The following GABRA1 variants were observed in gnomAD, a reference collection of about 807,000 sequenced individuals.
The protein encoded by GABRA1 is gamma-aminobutyric acid type A receptor subunit alpha1.
Under a neutral mutation model 48.9 loss-of-function variants are expected in GABRA1, and 9 were observed. The observed-to-expected ratio is 0.18, with a 90% CI of 0.11 to 0.32. GABRA1 has a LOEUF of 0.32. GABRA1 is among the 10% of genes least tolerant of loss of function. The pLI is 1.00. For synonymous variants in GABRA1, 210 were observed against 198.7 expected, an observed-to-expected ratio of 1.06 and a Z score of -0.48; for missense variants, 285 against 553.8, an observed-to-expected ratio of 0.51 and a Z score of 4.87.
chr5:161,859,967 C>T (rs114043722), intron 3 of GABRA1, among the ~76,000 whole-genome samples: 11 of 151,626 alleles, frequency 7.3e-5, no homozygotes, highest in African/African-American at 2.4e-4. Flanking sequence ...AATTTGCTGT[C>T]GTTTTCTCTG....
At chr5:161,864,015 G>C (rs1366085707) in intron 3 of GABRA1, among the ~76,000 whole-genome samples, 1 of 151,962 alleles carries the variant, frequency 6.6e-6, no homozygotes, top group Admixed American at 6.6e-5. Context: ...GCCAAGAGCT[G>C]ATGACAAATC....
At chr5:161,873,010 TA>T in intron 4 of GABRA1, 106 bp from the exon 5 acceptor site, 1 of 820,940 alleles carries the variant, frequency 1.2e-6, no homozygotes, top group Admixed American at 1.7e-5. Context: ...ATCACCTAGC[TA>T]ACATTATACT....
intron 6 of GABRA1, among the ~76,000 whole-genome samples, chr5:161,878,487 CAA>C (rs1481713633): frequency 3.3e-5 from 5 of 152,094 alleles, no homozygotes; most frequent in African/African-American, 4.8e-5. Context: ...AAAGAATAGA[CAA>C]GAGGAGTTTT....
chr5:161,857,098 A>G (rs1176196223), intron 3 of GABRA1, among the ~76,000 whole-genome samples: 4 of 151,352 alleles, frequency 2.6e-5, no homozygotes, highest in African/African-American at 7.3e-5. Context: ...TGTAAAGGAA[A>G]TAAGTGAGAT....
chr5:161,861,804 C>T (rs902146353), intron 3 of GABRA1, among the ~76,000 whole-genome samples: 39 of 151,892 alleles, frequency 2.6e-4, no homozygotes, highest in African/African-American at 8.9e-4. Flanking sequence ...TTTCAGTTTC[C>T]AAACAGGACC....
At chr5:161,851,018 C>A in intron 2 of GABRA1, 134 bp downstream of exon 2, 1 of 756,628 alleles carries the variant, frequency 1.3e-6, no homozygotes, top group Non-Finnish European at 2.3e-6. Flanking sequence ...TAATTTCCAG[C>A]TAAGAATAAA....
intron 6 of GABRA1, among the ~76,000 whole-genome samples, chr5:161,878,861 CA>C (rs1754483427): frequency 6.6e-6 from 1 of 152,022 alleles, no homozygotes; most frequent in South Asian, 2.1e-4. Flanking sequence ...GGCTAATTAT[CA>C]AAAAACAATG....
intron 8 of GABRA1, among the ~76,000 whole-genome samples, chr5:161,891,405 G>A (rs888379213): frequency 6.6e-6 from 1 of 152,004 alleles, no homozygotes; most frequent in Admixed American, 6.6e-5. Context: ...TGAGTTGTTC[G>A]AGAAGCTTAG....
At chr5:161,894,585 TA>T (rs1755274005) in intron 8 of GABRA1, among the ~76,000 whole-genome samples, 1 of 152,194 alleles carries the variant, frequency 6.6e-6, no homozygotes, top group Admixed American at 6.5e-5. Context: ...GGATTGAGAC[TA>T]GTCACTGGAA....
intron 2 of GABRA1, among the ~76,000 whole-genome samples, chr5:161,852,033 T>G (rs1424080773): frequency 6.6e-6 from 1 of 152,136 alleles, no homozygotes; most frequent in Non-Finnish European, 1.5e-5. Flanking sequence ...TAATACAAAA[T>G]GAATAAGCAT....
intron 3 of GABRA1, among the ~76,000 whole-genome samples, chr5:161,856,141 A>T (rs1468368872): frequency 2.0e-5 from 3 of 151,294 alleles, no homozygotes; most frequent in Non-Finnish European, 3.0e-5. Context: ...ACTAATTCTC[A>T]TATGCACTCC....
At chr5:161,884,880 C>T (rs1216293712) in intron 7 of GABRA1, among the ~76,000 whole-genome samples, 2 of 152,068 alleles carry the variant, frequency 1.3e-5, no homozygotes, top group Non-Finnish European at 2.9e-5. Context: ...AAATTAGAGG[C>T]TTAGTCAAAA....
intron 6 of GABRA1, among the ~76,000 whole-genome samples, chr5:161,878,518 G>C (rs1174650623): frequency 6.6e-6 from 1 of 152,204 alleles, no homozygotes; most frequent in Non-Finnish European, 1.5e-5. Flanking sequence ...TAGTGGAACA[G>C]TCTGTAATAA....
At chr5:161,874,645 T>C (rs1388360419) in intron 5 of GABRA1, among the ~76,000 whole-genome samples, 1 of 152,176 alleles carries the variant, frequency 6.6e-6, no homozygotes, top group Non-Finnish European at 1.5e-5. Context: ...CTTTCTTTAA[T>C]AATTTAATTT....
intron 4 of GABRA1, among the ~76,000 whole-genome samples, chr5:161,868,818 T>A (rs2113366052): frequency 6.6e-6 from 1 of 152,096 alleles, no homozygotes; most frequent in Non-Finnish European, 1.5e-5. Context: ...AATGTTGGAG[T>A]TTTTAAATCT....
At chr5:161,893,048 T>TAATAATAAAAAA (rs5872733) in intron 8 of GABRA1, among the ~76,000 whole-genome samples, 10,318 of 141,648 alleles carry the variant, frequency 0.073, 464 homozygotes, top group Middle Eastern at 0.11. Context: ...ATAATAATAA[T>TAATAATAAAAAA]AAAATAAACA....
intron 4 of GABRA1, among the ~76,000 whole-genome samples, chr5:161,869,313 T>C (rs569789152): frequency 3.3e-5 from 5 of 152,300 alleles, no homozygotes; most frequent in African/African-American, 9.6e-5. Context: ...CATCTAATCC[T>C]TGTGCAAACC....
intron 6 of GABRA1, among the ~76,000 whole-genome samples, chr5:161,875,884 T>G (rs914195472): frequency 6.6e-6 from 1 of 152,178 alleles, no homozygotes; most frequent in African/African-American, 2.4e-5. Context: ...AATAATTCTA[T>G]TTATGCTGAA....
At chr5:161,857,546 T>C (rs1757697780) in intron 3 of GABRA1, among the ~76,000 whole-genome samples, 1 of 151,516 alleles carries the variant, frequency 6.6e-6, no homozygotes, top group South Asian at 2.1e-4. Context: ...AGAGCAACCA[T>C]GCAGAACTGC....
Sources: gnomAD v4.1 joint callset for allele counts (sites outside exome capture counted in the v4.1 genomes callset) on GRCh38, gnomAD v4.1.1 for gene constraint, MANE v1.5 for transcripts, NCBI Gene and HGNC (gene_info 2026-07-23, HGNC 2026-07-21) for gene names.